Variants in LIPC observed in about 807,000 individuals in gnomAD.
LIPC encodes the protein hepatic triacylglycerol lipase.
Under a neutral mutation model 50.7 loss-of-function variants are expected in LIPC, and 44 were observed. That is an observed-to-expected ratio of 0.87 (90% CI 0.68 to 1.11). The LOEUF (loss-of-function observed/expected upper bound fraction) is 1.11. LIPC is among the 50% of genes most tolerant of loss of function. LIPC has a pLI of 0.00. For synonymous variants in LIPC, 271 were observed against 256.4 expected (o/e 1.06, Z -0.54); for missense variants, 697 against 648.2 (o/e 1.08, Z -0.82).
chr15:58,491,250 A>T (rs1891577070), intron 1 of LIPC, among the ~76,000 whole-genome samples: 1 of 152,136 alleles, frequency 6.6e-6, no homozygotes, highest in South Asian at 2.1e-4. Flanking sequence ...ACAATAGGGA[A>T]ATAGTTAGTC....
rs1421318537 is a variant in LIPC at position 58,507,535 on chromosome 15, G to A, written c.89-30798G>A. Among the ~76,000 whole-genome samples the A allele has an allele frequency of 2.0e-5, 3 of 152,216 alleles. No individual in the cohort carries two copies. In the East Asian group the frequency reaches 5.8e-4, roughly 29 times the overall value. On this transcript the variant is annotated intron_variant, in intron 1 of 8. Transcript: ENST00000299022. ...CCCGGCCACACACAAATCAGTACTT[G>A]CCTTACTTTGGAAAACGAAAAGAGC...
At chr15:58,450,465 G>A (rs1219423363) in intron 1 of LIPC, among the ~76,000 whole-genome samples, 1 of 152,238 alleles carries the variant, frequency 6.6e-6, no homozygotes, top group African/African-American at 2.4e-5. Flanking sequence ...AGATGAGGCT[G>A]CTGGCAGTGT....
chr15:58,455,829 G>A (rs565568430), intron 1 of LIPC, among the ~76,000 whole-genome samples: 9 of 152,218 alleles, frequency 5.9e-5, no homozygotes, highest in African/African-American at 1.7e-4. Flanking sequence ...GCATGTATGC[G>A]TGTATATATA....
At chr15:58,547,467 T>G (rs1459966038) in intron 5 of LIPC, among the ~76,000 whole-genome samples, 2 of 152,214 alleles carry the variant, frequency 1.3e-5, no homozygotes, top group Non-Finnish European at 2.9e-5. Context: ...GTCCAAGGAC[T>G]GCAGTGACTA....
intron 1 of LIPC, among the ~76,000 whole-genome samples, chr15:58,442,485 T>G (rs759335697): frequency 6.6e-6 from 1 of 152,244 alleles, no homozygotes; most frequent in Non-Finnish European, 1.5e-5. Flanking sequence ...CAGCAGTGTT[T>G]GATTAAGTGC....
At chr15:58,485,723 T>C (rs2140788068) in intron 1 of LIPC, among the ~76,000 whole-genome samples, 1 of 152,370 alleles carries the variant, frequency 6.6e-6, no homozygotes, top group South Asian at 2.1e-4. Context: ...AAAGCTGCCC[T>C]GTCATTTGTG....
intron 1 of LIPC, among the ~76,000 whole-genome samples, chr15:58,441,762 T>A (rs1893515792): frequency 6.6e-6 from 1 of 152,200 alleles, no homozygotes; most frequent in Non-Finnish European, 1.5e-5. Context: ...ATATAATCAA[T>A]AAATGATCTA....
intron 1 of LIPC, among the ~76,000 whole-genome samples, chr15:58,518,107 T>C (rs1892538527): frequency 6.6e-6 from 1 of 152,226 alleles, no homozygotes; most frequent in Non-Finnish European, 1.5e-5. Context: ...GGATAATTCT[T>C]TGTTGTGAGA....
At chr15:58,512,262 C>T (rs902901890) in intron 1 of LIPC, among the ~76,000 whole-genome samples, 1 of 152,016 alleles carries the variant, frequency 6.6e-6, no homozygotes. Context: ...CCAAGCCTGA[C>T]TAATTTTTGT....
chr15:58,488,438 A>C (rs1269503658), intron 1 of LIPC, among the ~76,000 whole-genome samples: 1 of 152,230 alleles, frequency 6.6e-6, no homozygotes, highest in Non-Finnish European at 1.5e-5. Flanking sequence ...GGCACTAGGC[A>C]CTGTGCTAGG....
In LIPC at chr15:58,565,889, A is replaced by G. The variant is rs1300498935; in HGVS notation, c.1388+2166A>G. Reference sequence around the variant, plus strand: ...CCGAGTGCCTCCTCTGTGTCTACACAGTGCCAGGTACTATCGGAGAATACA... The same window carrying G: ...CCGAGTGCCTCCTCTGTGTCTACACGGTGCCAGGTACTATCGGAGAATACA... On this transcript the variant is annotated intron_variant, in intron 8 of 8. Coordinates refer to ENST00000299022, the MANE Select transcript of LIPC (RefSeq NM_000236.3). The G allele has an allele frequency of 5.1e-6, 5 of 977,670 alleles. No individual in the cohort carries two copies. In the African/African-American group the frequency reaches 9.3e-5, roughly 18 times the overall value. 60.6% of individuals were successfully genotyped at this position (977,670 alleles called of 1,614,324 possible). A position where few individuals can be genotyped will look rare whatever the true frequency, so the allele number is the denominator to read the frequency against.
intron 1 of LIPC, among the ~76,000 whole-genome samples, chr15:58,501,380 T>C (rs1414317088): frequency 6.6e-6 from 1 of 152,010 alleles, no homozygotes; most frequent in Non-Finnish European, 1.5e-5. Flanking sequence ...CTGAAGTTTT[T>C]TTGTTTATTC....
At chr15:58,564,291 G>T (rs1354905288) in intron 8 of LIPC, among the ~76,000 whole-genome samples, 2 of 151,938 alleles carry the variant, frequency 1.3e-5, no homozygotes, top group Non-Finnish European at 2.9e-5. Flanking sequence ...GGTCCAGGAT[G>T]CCTGTTGTTG....
intron 1 of LIPC, among the ~76,000 whole-genome samples, chr15:58,496,980 C>T (rs1344280778): frequency 1.2e-4 from 18 of 152,240 alleles, no homozygotes; most frequent in East Asian, 3.9e-4. Flanking sequence ...CCACCGCGCC[C>T]GGCCCTTTTA....
At chr15:58,449,556 CTTTT>C (rs766486784) in intron 1 of LIPC, among the ~76,000 whole-genome samples, 1 of 142,744 alleles carries the variant, frequency 7.0e-6, no homozygotes, top group Non-Finnish European at 1.5e-5. Flanking sequence ...TGCATTTGTT[CTTTT>C]TTTTTTTTTT....
At chr15:58,565,036 C>A (rs1324974921) in intron 8 of LIPC, 1 of 649,642 alleles carries the variant, frequency 1.5e-6, no homozygotes, top group East Asian at 2.8e-5. Context: ...CTTCCGTCAC[C>A]CCCTGGGTTT....
chr15:58,524,214 T>C (rs976617095), intron 1 of LIPC, among the ~76,000 whole-genome samples: 7 of 152,236 alleles, frequency 4.6e-5, no homozygotes, highest in African/African-American at 1.2e-4. Context: ...GATACTGTTC[T>C]GCACCTTACT....
intron 1 of LIPC, among the ~76,000 whole-genome samples, chr15:58,519,717 T>C (rs1892595715): frequency 6.6e-6 from 1 of 152,232 alleles, no homozygotes; most frequent in Non-Finnish European, 1.5e-5. Flanking sequence ...ACAGTTCATT[T>C]CACTGGAGAC....
At chr15:58,564,867 G>A (rs1241964920) in intron 8 of LIPC, among the ~76,000 whole-genome samples, 5 of 152,176 alleles carry the variant, frequency 3.3e-5, no homozygotes, top group African/African-American at 9.7e-5. Flanking sequence ...CTCCACGGCA[G>A]AATTCCAGGC....
Sources: allele counts gnomAD v4.1 joint callset (sites outside exome capture counted in the v4.1 genomes callset), GRCh38; gene constraint gnomAD v4.1.1; transcripts MANE v1.5; gene names NCBI Gene and HGNC (gene_info 2026-07-23, HGNC 2026-07-21).